TMEM200C: variants seen among roughly 807,000 people sequenced by gnomAD.
TMEM200C encodes transmembrane protein TTMA.
For missense variants in TMEM200C, 966 were observed against 699.9 expected (o/e 1.38, Z -4.29); for synonymous variants, 462 against 324.7 (o/e 1.42, Z -4.55).
At chr18:5,883,421 C>A (rs1355271403) in exon 3 of TMEM200C, 1 of 151,986 alleles carries the variant, frequency 6.6e-6, no homozygotes, top group Non-Finnish European at 1.5e-5. Context: ...GCTATTCTGG[C>A]CAAATCTGTT....
chr18:5,885,384 T>A (rs1202039851), exon 3 of TMEM200C: 3 of 152,208 alleles, frequency 2.0e-5, no homozygotes, highest in Non-Finnish European at 2.9e-5. Context: ...TGACAGTATG[T>A]TATCTTACTA....
exon 3 of TMEM200C, chr18:5,889,551 T>C (rs1378383491): frequency 6.6e-6 from 1 of 152,238 alleles, no homozygotes; most frequent in Non-Finnish European, 1.5e-5. Context: ...ATCTAGTTCC[T>C]GGTCCCCTCC....
rs1480792307 is a variant in TMEM200C, at chr18:5,891,252, TC to T, written c.811del (p.Asp271ThrfsTer106). On this transcript the variant is annotated frameshift_variant, in exon 3 of 3. Coordinates refer to ENST00000581347, the Ensembl canonical transcript of TMEM200C. LOFTEE classifies it low-confidence loss of function (END_TRUNC). This position sits in a 1 kb window ranked among gnomAD's most constrained non-coding sequence, Gnocchi z 4.7. ...CAGCATCGCCGCCGCTCCGAAGGCG[TC>T]CCCGGAGCCACCGCAGCCCCCGGGC... 12 of 1,379,766 alleles carry T rather than the reference TC, an allele frequency of 8.7e-6. No individual in the cohort carries two copies. Among genetic ancestry groups the T allele is most frequent in the South Asian group, 3.1e-5 (2 of 64,132 alleles). The allele number at this position is 1,379,766 out of a possible 1,614,324, so 85.5% of individuals were successfully genotyped here. A position where few individuals can be genotyped will look rare whatever the true frequency, so the allele number is the denominator to read the frequency against.
intron 2 of TMEM200C, among the ~76,000 whole-genome samples, chr18:5,894,809 G>A (rs1328635575): frequency 6.6e-6 from 1 of 152,214 alleles, no homozygotes; most frequent in Non-Finnish European, 1.5e-5. Context: ...GTCCGCCTCT[G>A]GAAAGAAGAC....
chr18:5,890,618 C>A, exon 3 of TMEM200C: 1 of 996,072 alleles, frequency 1.0e-6, no homozygotes, highest in Non-Finnish European at 1.3e-6. Flanking sequence ...GCTCGGGGGA[C>A]GGCGGCGCCC....
Position 5,886,858 on chromosome 18 carries a change from T to C in TMEM200C, c.*3340A>G, listed in dbSNP as rs1305602638. 5 of 152,188 alleles carry C rather than the reference T, an allele frequency of 3.3e-5. No individual in the cohort carries two copies. The East Asian group carries it at 7.7e-4, about 23-fold the overall frequency. The allele number at this position is 152,188 out of a possible 1,614,324, so 9.4% of individuals were successfully genotyped here. ...TACTTTAGATTTTTAAGCCTAAAAT[T>C]ATTCTATTAATAAAAAGGAAGGTCA... On this transcript the variant is annotated 3_prime_UTR_variant, in exon 3 of 3. Coordinates refer to ENST00000581347, the Ensembl canonical transcript of TMEM200C.
At chr18:5,889,838 TA>T (rs578105108) in exon 3 of TMEM200C, 405 of 160,134 alleles carry the variant, frequency 2.5e-3, no homozygotes, top group Middle Eastern at 8.4e-3. Context: ...AATGAGGGAT[TA>T]AAAAAAAAAG....
At position 5,891,728 on chromosome 18, in the gene TMEM200C, C is replaced by A; in HGVS notation, c.336G>T (p.Arg112=). ...CTGGAGCCCTAGGGTGGCTCCTGGA[C>A]CGGTTTTTGCTGCCACTGCTACTGC... Residue 112 remains arginine, a synonymous_variant, in exon 3 of 3, where the codon CGG becomes CGT. Transcript: ENST00000581347. The surrounding 1 kb of genome is among the most constrained non-coding windows in gnomAD (Gnocchi z 4.7). 2 of 1,612,712 alleles carry A rather than the reference C, an allele frequency of 1.2e-6. No homozygotes were observed. Among genetic ancestry groups the A allele is most frequent in the Non-Finnish European group, 1.7e-6 (2 of 1,179,812 alleles).
At chr18:5,882,558 A>G (rs542144904) in exon 3 of TMEM200C, 9 of 152,284 alleles carry the variant, frequency 5.9e-5, no homozygotes, top group East Asian at 3.9e-4. Context: ...ATGCACTTCA[A>G]TTGTGTTTTG....
exon 3 of TMEM200C, chr18:5,890,714 G>C (rs2095169636): frequency 3.9e-6 from 2 of 507,510 alleles, no homozygotes; most frequent in South Asian, 3.2e-5. Flanking sequence ...GCCCCCTGGC[G>C]GCGCGCGCCG....
In TMEM200C at chr18:5,891,604, G is replaced by C. The variant is rs748685643; in HGVS notation, c.460C>G (p.Arg154Gly). 3.1e-6 allele frequency: 5 copies of C among 1,613,848 alleles called. No individual in the cohort carries two copies. Among genetic ancestry groups the C allele is most frequent in the Non-Finnish European group, 4.2e-6 (5 of 1,179,836 alleles). ...GAGTGCAGGTAGCCAGAGAAGATGC[G>C]GAAGAAGAAGCCCACGGACGTGGAG... is the stretch of plus-strand genomic sequence containing the variant. The change falls in exon 3 of 3, where the codon CGC (arginine) becomes GGC (glycine). Residue 154 changes from arginine (R) to glycine (G), a missense_variant. Physicochemically the swap from Arg to Gly is moderately radical, Grantham distance 125. Transcript: ENST00000581347. This position sits in a 1 kb window ranked among gnomAD's most constrained non-coding sequence, Gnocchi z 4.7.
At chr18:5,892,638 A>C (rs2095172407) in intron 2 of TMEM200C, among the ~76,000 whole-genome samples, 1 of 152,188 alleles carries the variant, frequency 6.6e-6, no homozygotes, top group African/African-American at 2.4e-5. Context: ...TAAGCTGGGG[A>C]ATCTGTCAAT....
At chr18:5,894,784 G>C (rs2095174353) in intron 2 of TMEM200C, among the ~76,000 whole-genome samples, 1 of 152,248 alleles carries the variant, frequency 6.6e-6, no homozygotes, top group African/African-American at 2.4e-5. Context: ...AGTCACATGA[G>C]TGCAGCAGCT....
chr18:5,889,442 TA>T (rs1411298142), exon 3 of TMEM200C: 2 of 152,170 alleles, frequency 1.3e-5, no homozygotes, highest in Admixed American at 1.3e-4. Flanking sequence ...CTTCTTTTAT[TA>T]AAAAAGATTT....
rs1293734029 is a variant in TMEM200C at position 5,895,276 on chromosome 18, GCA to G, written c.-343_-342del. On this transcript the variant is annotated 5_prime_UTR_variant, in exon 2 of 3. The change abolishes an upstream ATG in the 5' untranslated region. Transcript: ENST00000581347. Reference sequence around the variant, plus strand: ...AGAAGTGTCAGGTCCTCCGCATCCCGCATCCCGCATCCCGCCTCGGAGCCCTC... The same window carrying G: ...AGAAGTGTCAGGTCCTCCGCATCCCGTCCCGCATCCCGCCTCGGAGCCCTC... 1 of 151,208 alleles carries G rather than the reference GCA, an allele frequency of 6.6e-6. No individual in the cohort carries two copies. Among genetic ancestry groups the G allele is most frequent in the African/African-American group, 2.4e-5 (1 of 41,262 alleles). 9.4% of individuals were successfully genotyped at this position (151,208 alleles called of 1,614,324 possible). A position where few individuals can be genotyped will look rare whatever the true frequency, so the allele number is the denominator to read the frequency against.
intron 2 of TMEM200C, among the ~76,000 whole-genome samples, chr18:5,893,806 T>C (rs1599528161): frequency 6.6e-6 from 1 of 152,150 alleles, no homozygotes; most frequent in African/African-American, 2.4e-5. Flanking sequence ...CTTTGGGACT[T>C]AGCTGGGTTT....
At chr18:5,890,576 G>A (rs776112738) in exon 3 of TMEM200C, 2 of 1,329,676 alleles carry the variant, frequency 1.5e-6, no homozygotes, top group Non-Finnish European at 1.9e-6. Context: ...GAGGGCTGGA[G>A]TCCGGGTCCG....
chr18:5,883,682 T>C (rs77135891), exon 3 of TMEM200C: 1 of 152,262 alleles, frequency 6.6e-6, no homozygotes, highest in Non-Finnish European at 1.5e-5. Context: ...ATATATTCAG[T>C]TATCATGTGT....
At chr18:5,895,602 C>CG (rs2095175459) in intron 1 of TMEM200C, 80 bp from the exon 1 acceptor site, 1 of 89,596 alleles carries the variant, frequency 1.1e-5, no homozygotes, top group South Asian at 3.2e-4. Context: ...TCCTCCGGCG[C>CG]CCCCCCCCAC....
Sources: gnomAD v4.1 joint callset for allele counts (sites outside exome capture counted in the v4.1 genomes callset) on GRCh38, gnomAD v4.1.1 for gene constraint, Gnocchi (gnomAD v3.1) non-coding constraint, MANE v1.5 for transcripts, NCBI Gene and HGNC (gene_info 2026-07-23, HGNC 2026-07-21) for gene names.